Variants in LYPLAL1 observed in about 807,000 individuals in gnomAD.
LYPLAL1 encodes the protein lysophospholipase-like protein 1.
A neutral mutation model predicts 19.7 loss-of-function variants in LYPLAL1; 23 were observed. The observed-to-expected ratio is 1.17, with a 90% confidence interval of 0.84 to 1.65. The LOEUF (loss-of-function observed/expected upper bound fraction) is 1.65, where lower values mean the gene tolerates loss of function less well. LYPLAL1 is among the 40% of genes most tolerant of loss of function. The pLI is 0.00. For synonymous variants in LYPLAL1, 119 were observed against 96.3 expected, an observed-to-expected ratio of 1.24 and a Z score of -1.38; for missense variants, 355 against 279.4, an observed-to-expected ratio of 1.27 and a Z score of -1.93.
At chr1:219,429,362 G>A in the LYPLAL1 span, among the ~76,000 whole-genome samples, 2 of 152,110 alleles carry the variant, frequency 1.3e-5, no homozygotes, top group Admixed American at 6.5e-5. Flanking sequence ...AGTGACAGTC[G>A]GGGTGAGAAT....
chr1:219,437,789 A>G, the LYPLAL1 span, among the ~76,000 whole-genome samples: 1 of 95,694 alleles, frequency 1.0e-5, no homozygotes, highest in African/African-American at 4.3e-5. Flanking sequence ...TATTTTATGA[A>G]GGAATCTCAG....
chr1:219,445,410 G>A, the LYPLAL1 span, among the ~76,000 whole-genome samples: 2 of 105,514 alleles, frequency 1.9e-5, no homozygotes, highest in South Asian at 8.1e-4. Flanking sequence ...ATTCAAATTG[G>A]GGGGGGGGCG....
the LYPLAL1 span, among the ~76,000 whole-genome samples, chr1:219,308,302 A>G: frequency 1.3e-5 from 2 of 152,290 alleles, no homozygotes; most frequent in East Asian, 1.9e-4. Flanking sequence ...GCATAATATA[A>G]AAGTTTGGAA....
the LYPLAL1 span, among the ~76,000 whole-genome samples, chr1:219,310,447 A>G: frequency 9.2e-5 from 14 of 152,222 alleles, no homozygotes; most frequent in Non-Finnish European, 1.5e-4. Context: ...AAGACATGCC[A>G]TAAGCAAGCA....
chr1:219,211,007 A>G (rs140766082), intron 4 of LYPLAL1, among the ~76,000 whole-genome samples: 227 of 152,256 alleles, frequency 1.5e-3, no homozygotes, highest in Middle Eastern at 3.4e-3. Flanking sequence ...AATCAATTAC[A>G]TAGCACATAC....
At chr1:219,250,442 G>A in the LYPLAL1 span, among the ~76,000 whole-genome samples, 1 of 151,870 alleles carries the variant, frequency 6.6e-6, no homozygotes, top group African/African-American at 2.4e-5. Context: ...ATAAGTCTTG[G>A]CATTGTATTT....
intron 1 of LYPLAL1, chr1:219,174,201 A>G: frequency 7.1e-7 from 1 of 1,408,378 alleles, no homozygotes; most frequent in South Asian, 1.5e-5. Context: ...CTGGTCCACC[A>G]CCCTCGCTTT....
At chr1:219,418,711 G>C in the LYPLAL1 span, among the ~76,000 whole-genome samples, 1 of 152,102 alleles carries the variant, frequency 6.6e-6, no homozygotes, top group Admixed American at 6.6e-5. Flanking sequence ...TATGGGTTTG[G>C]ACAAATGTTT....
the LYPLAL1 span, among the ~76,000 whole-genome samples, chr1:219,227,055 G>A: frequency 5.9e-5 from 9 of 152,250 alleles, no homozygotes; most frequent in South Asian, 8.3e-4. Flanking sequence ...AAACTGCATC[G>A]TTTGTTTGAA....
the LYPLAL1 span, among the ~76,000 whole-genome samples, chr1:219,233,238 T>G: frequency 6.6e-5 from 10 of 152,180 alleles, no homozygotes; most frequent in Non-Finnish European, 1.2e-4. Flanking sequence ...GAAGACATTA[T>G]GCTAAGTGAA....
chr1:219,349,191 C>T, the LYPLAL1 span, among the ~76,000 whole-genome samples: 1 of 152,202 alleles, frequency 6.6e-6, no homozygotes, highest in Admixed American at 6.5e-5. Flanking sequence ...AGATAGTCCC[C>T]ACGTCTTGAC....
chr1:219,425,710 G>T, the LYPLAL1 span, among the ~76,000 whole-genome samples: 1 of 152,264 alleles, frequency 6.6e-6, no homozygotes, highest in Non-Finnish European at 1.5e-5. Context: ...AGTGGCTCAT[G>T]AAATTTGTAC....
At chr1:219,332,404 G>A in the LYPLAL1 span, among the ~76,000 whole-genome samples, 1 of 152,136 alleles carries the variant, frequency 6.6e-6, no homozygotes, top group African/African-American at 2.4e-5. Flanking sequence ...AGCCCCAGAA[G>A]ATATCATATG....
At chr1:219,389,876 A>C in the LYPLAL1 span, among the ~76,000 whole-genome samples, 1 of 152,220 alleles carries the variant, frequency 6.6e-6, no homozygotes, top group Non-Finnish European at 1.5e-5. Context: ...ATTAATAGCA[A>C]TATTTTCCAC....
chr1:219,378,153 G>A, the LYPLAL1 span, among the ~76,000 whole-genome samples: 1 of 152,192 alleles, frequency 6.6e-6, no homozygotes, highest in South Asian at 2.1e-4. Context: ...ATGAAGTCAG[G>A]AAGGACAAGT....
the LYPLAL1 span, among the ~76,000 whole-genome samples, chr1:219,433,075 TCTACTCCAGGGATAACATGAC>T: frequency 6.6e-6 from 1 of 152,200 alleles, no homozygotes; most frequent in Admixed American, 6.5e-5. Flanking sequence ...CTCTGGGTTT[TCTACTCCAGGGATAACATGAC>T]CTGCTGGATT....
At chr1:219,440,024 C>CATATAT in the LYPLAL1 span, among the ~76,000 whole-genome samples, 1,460 of 132,366 alleles carry the variant, frequency 0.011, 11 homozygotes, top group Middle Eastern at 0.036. Context: ...CACACACACA[C>CATATAT]ATATATATAT....
the LYPLAL1 span, among the ~76,000 whole-genome samples, chr1:219,331,946 G>C: frequency 2.0e-5 from 3 of 152,214 alleles, no homozygotes; most frequent in East Asian, 5.8e-4. Flanking sequence ...CTGAATCTTT[G>C]TTAATTAATG....
the LYPLAL1 span, among the ~76,000 whole-genome samples, chr1:219,301,669 T>C: frequency 9.9e-5 from 15 of 152,284 alleles, no homozygotes; most frequent in East Asian, 2.1e-3. Flanking sequence ...AGTTACTCAA[T>C]TGCCCCCCAG....
Sources: gnomAD v4.1 joint callset for allele counts (sites outside exome capture counted in the v4.1 genomes callset) on GRCh38, gnomAD v4.1.1 for gene constraint, MANE v1.5 for transcripts, NCBI Gene and HGNC (gene_info 2026-07-23, HGNC 2026-07-21) for gene names.